The following KAZN variants were observed in gnomAD, a reference collection of about 807,000 sequenced individuals.
The protein encoded by KAZN is kazrin.
A neutral mutation model predicts 87.4 loss-of-function variants in KAZN; 40 were observed. The observed-to-expected ratio is 0.46, with a 90% CI of 0.36 to 0.60. KAZN has a LOEUF of 0.60. Among genes scored for constraint, KAZN ranks in the 20% least tolerant of loss-of-function variants. The pLI, the probability that KAZN is intolerant of heterozygous loss-of-function variation, is 0.00. For missense variants in KAZN, 898 were observed against 1,073.9 expected (o/e 0.84, Z 2.29); for synonymous variants, 466 against 458.3 (o/e 1.02, Z -0.22).
At chr1:14,348,387 A>C (rs1224589208) in intron 2 of KAZN, among the ~76,000 whole-genome samples, 1 of 152,300 alleles carries the variant, frequency 6.6e-6, no homozygotes, top group East Asian at 1.9e-4. Flanking sequence ...GAAAAATTAG[A>C]AACTAAAACA....
intron 1 of KAZN, among the ~76,000 whole-genome samples, chr1:13,999,346 TAAAAAACAAAAAACAAAAAAC>T (rs112870915): frequency 4.0e-5 from 6 of 149,492 alleles, no homozygotes; most frequent in African/African-American, 1.2e-4. Context: ...AGACTCCATC[TAAAAAACAAAAAACAAAAAAC>T]AAAAAACAAA....
intron 1 of KAZN, among the ~76,000 whole-genome samples, chr1:14,032,197 A>T (rs143167809): frequency 3.9e-4 from 59 of 152,280 alleles, no homozygotes; most frequent in African/African-American, 1.4e-3. Flanking sequence ...ATTTCTCATA[A>T]CAATAAGCAA....
At chr1:14,659,249 TAATA>T (rs572352784) in intron 1 of KAZN, among the ~76,000 whole-genome samples, 5 of 151,558 alleles carry the variant, frequency 3.3e-5, no homozygotes, top group African/African-American at 1.2e-4. Flanking sequence ...AAAATAAAAA[TAATA>T]AATAAATAAA....
At chr1:14,883,355 A>AGAGAGAGAGAGAGAAAG (rs1553150619) in intron 1 of KAZN, among the ~76,000 whole-genome samples, 1 of 20,598 alleles carries the variant, frequency 4.9e-5, no homozygotes, top group African/African-American at 1.5e-4. Flanking sequence ...AGAAAGAAAG[A>AGAGAGAGAGAGAGAAAG]AAAGAAAGAA....
At chr1:14,106,928 C>G (rs1414075865) in intron 1 of KAZN, among the ~76,000 whole-genome samples, 4 of 149,338 alleles carry the variant, frequency 2.7e-5, no homozygotes, top group Non-Finnish European at 6.0e-5. Context: ...CTCAACCACC[C>G]TTTCCCTCCC....
chr1:13,916,018 G>GGGA (rs1480022837), intron 1 of KAZN, among the ~76,000 whole-genome samples: 2 of 152,174 alleles, frequency 1.3e-5, no homozygotes, highest in Non-Finnish European at 2.9e-5. Flanking sequence ...TTGGGGGCCG[G>GGGA]GGAGTGGGGG....
In KAZN at chr1:14,995,364, A is replaced by G. The variant is rs373411585; in HGVS notation, c.418+34489A>G. Among the ~76,000 whole-genome samples the G allele has an allele frequency of 1.2e-3, 178 of 152,198 alleles. 1 individual carries two copies. Among genetic ancestry groups the G allele is most frequent in the African/African-American group, 4.0e-3 (166 of 41,536 alleles). On this transcript the variant is annotated intron_variant, in intron 2 of 14. Transcript: ENST00000376030. ...TTGTGCTTCTCCCCTTCCCTTTGCT[A>G]TCATAAAGAGACTGGTAACAGGCTG...
At chr1:14,982,734 G>A (rs971579869) in intron 2 of KAZN, among the ~76,000 whole-genome samples, 11 of 152,162 alleles carry the variant, frequency 7.2e-5, no homozygotes, top group African/African-American at 2.7e-4. Context: ...CAGCACCTGA[G>A]ATCTTGAAAG....
At chr1:14,153,416 A>G (rs11810057) in intron 1 of KAZN, among the ~76,000 whole-genome samples, 26,893 of 152,024 alleles carry the variant, frequency 0.18, 2,993 homozygotes, top group East Asian at 0.33. Flanking sequence ...TCGCATTTGG[A>G]TATCCAACTT....
intron 1 of KAZN, among the ~76,000 whole-genome samples, chr1:14,136,235 C>G (rs1244430032): frequency 6.6e-6 from 1 of 151,996 alleles, no homozygotes; most frequent in Non-Finnish European, 1.5e-5. Context: ...TTTGGGGAGC[C>G]CCGGCCTCAG....
intron 1 of KAZN, among the ~76,000 whole-genome samples, chr1:13,939,427 C>T (rs758441424): frequency 1.3e-4 from 20 of 152,214 alleles, no homozygotes; most frequent in Admixed American, 3.3e-4. Context: ...TGCTCAAGTT[C>T]CCAATAAGTT....
intron 1 of KAZN, among the ~76,000 whole-genome samples, chr1:14,606,806 C>T (rs994073695): frequency 6.6e-6 from 1 of 152,144 alleles, no homozygotes; most frequent in Admixed American, 6.5e-5. Context: ...TAGCAGCATT[C>T]CTGGCCTCTA....
intron 2 of KAZN, among the ~76,000 whole-genome samples, chr1:14,374,478 C>G (rs1404984916): frequency 6.6e-6 from 1 of 152,204 alleles, no homozygotes; most frequent in African/African-American, 2.4e-5. Flanking sequence ...AGCCAAACCT[C>G]TCATCTTGAA....
chr1:14,235,883 T>C (rs548848208), intron 2 of KAZN, among the ~76,000 whole-genome samples: 1 of 152,154 alleles, frequency 6.6e-6, no homozygotes, highest in African/African-American at 2.4e-5. Context: ...TCCACGGTCT[T>C]GTACAGGCAC....
chr1:14,347,500 A>C (rs867229615), intron 2 of KAZN, among the ~76,000 whole-genome samples: 16 of 152,154 alleles, frequency 1.1e-4, no homozygotes, highest in African/African-American at 3.9e-4. Flanking sequence ...GGATTGTTTA[A>C]ATTGGTATTT....
At chr1:14,372,287 G>A (rs7517101) in intron 2 of KAZN, among the ~76,000 whole-genome samples, 7,986 of 152,204 alleles carry the variant, frequency 0.052, 342 homozygotes, top group South Asian at 0.19. Flanking sequence ...AAATTTAAAT[G>A]TCTCTATAAT....
intron 8 of KAZN, among the ~76,000 whole-genome samples, chr1:15,072,680 T>G (rs747237012): frequency 1.1e-4 from 16 of 152,194 alleles, no homozygotes; most frequent in Non-Finnish European, 5.9e-5. Flanking sequence ...AGTTTACAGA[T>G]GAACAAACCA....
At chr1:14,384,243 C>T (rs1661654803) in intron 2 of KAZN, among the ~76,000 whole-genome samples, 2 of 151,896 alleles carry the variant, frequency 1.3e-5, no homozygotes, top group South Asian at 4.2e-4. Flanking sequence ...TCTAGATATA[C>T]AATCATGTCA....
chr1:15,040,715 A>G (rs1353681838), intron 3 of KAZN, among the ~76,000 whole-genome samples: 1 of 152,004 alleles, frequency 6.6e-6, no homozygotes, highest in East Asian at 1.9e-4. Context: ...GCAGTCAGCC[A>G]AGATCGCACC....
Sources: gnomAD v4.1 joint callset for allele counts (sites outside exome capture counted in the v4.1 genomes callset) on GRCh38, gnomAD v4.1.1 for gene constraint, MANE v1.5 for transcripts, NCBI Gene and HGNC (gene_info 2026-07-23, HGNC 2026-07-21) for gene names.